The following MRC1 variants were observed in gnomAD, a reference collection of about 807,000 sequenced individuals.
The protein encoded by MRC1 is mannose receptor C-type 1.
In MRC1, 62 loss-of-function variants were observed where a neutral mutation model predicts 102.9. The observed-to-expected ratio is 0.60, with a 90% CI of 0.49 to 0.74. The LOEUF (loss-of-function observed/expected upper bound fraction) is 0.74, where lower values mean the gene tolerates loss of function less well. Ranked by LOEUF, MRC1 falls within the 30% of genes least tolerant of loss-of-function variation. The pLI is 0.00. For missense variants in MRC1, 1,237 were observed against 862.8 expected, an observed-to-expected ratio of 1.43 and a Z score of -5.43; for synonymous variants, 457 against 298.4, an observed-to-expected ratio of 1.53 and a Z score of -5.48.
chr10:17,827,368 TACCCAAAAAAAAAAA>T (rs1838493088), intron 2 of MRC1, among the ~76,000 whole-genome samples, 159 bp from the exon 3 acceptor site: 1 of 15,760 alleles, frequency 6.3e-5, no homozygotes, highest in African/African-American at 2.4e-4. Flanking sequence ...GGAAAAAAAA[TACCCAAAAAAAAAAA>T]AAAAAAAAAA....
chr10:17,813,222 G>A lies in MRC1; in HGVS notation c.61+3696G>A, dbSNP rs990072979. On this transcript the variant is annotated intron_variant, in intron 1 of 29. Transcript: ENST00000569591. ...CACATCCCCTTAGATTTCTTGCTGC[G>A]CTGTTAGATCAAGTAAGTGCAAATT... Among the ~76,000 whole-genome samples the A allele has an allele frequency of 4.4e-3, 677 of 152,190 alleles. 5 individuals are homozygous for A. Among genetic ancestry groups the A allele is most frequent in the African/African-American group, 0.015 (639 of 41,514 alleles).
At chr10:17,892,538 C>T (rs1171676231) in intron 22 of MRC1, among the ~76,000 whole-genome samples, 1 of 152,152 alleles carries the variant, frequency 6.6e-6, no homozygotes, top group African/African-American at 2.4e-5. Context: ...CAGCTTTTCT[C>T]GCCATTTTCT....
intron 26 of MRC1, among the ~76,000 whole-genome samples, chr10:17,905,644 A>T (rs957121110): frequency 2.0e-5 from 3 of 151,802 alleles, no homozygotes; most frequent in African/African-American, 4.8e-5. Context: ...ATATTTTGAA[A>T]CGGCTAATGT....
At chr10:17,823,871 G>C (rs1353142108) in intron 2 of MRC1, among the ~76,000 whole-genome samples, 2 of 152,074 alleles carry the variant, frequency 1.3e-5, no homozygotes, top group African/African-American at 4.8e-5. Flanking sequence ...AGTTATCCCT[G>C]GAAAAATGAT....
intron 6 of MRC1, among the ~76,000 whole-genome samples, chr10:17,845,664 C>A (rs913378369): frequency 1.1e-3 from 173 of 152,188 alleles, no homozygotes; most frequent in African/African-American, 4.0e-3. Context: ...AAAAATGTTA[C>A]CTTCCCAATC....
chr10:17,887,403 A>G (rs1284308439), intron 22 of MRC1, among the ~76,000 whole-genome samples: 5 of 152,122 alleles, frequency 3.3e-5, no homozygotes, highest in Non-Finnish European at 7.3e-5. Context: ...AACAAAACAA[A>G]ACAAAACAAA....
intron 4 of MRC1, among the ~76,000 whole-genome samples, chr10:17,839,094 C>T (rs978972239): frequency 1.3e-5 from 2 of 151,938 alleles, no homozygotes; most frequent in Non-Finnish European, 2.9e-5. Flanking sequence ...ACAGTAGTAA[C>T]TTATATTTAT....
rs535649483 is a variant in MRC1, at chr10:17,903,882, G to C, written c.3799+1760G>C. Among the ~76,000 whole-genome samples, 14 of 152,172 alleles carry C rather than the reference G, an allele frequency of 9.2e-5. No homozygotes were observed. In the East Asian group the frequency reaches 2.5e-3, roughly 27 times the overall value. On this transcript the variant is annotated intron_variant, in intron 26 of 29. Transcript: ENST00000569591. ...GAAACAGGAGAATCACTTGAACCCAGGAGGTGGAGGTTGCAGTGAGCTGAG... is the reference window on the plus strand; with the variant it reads ...GAAACAGGAGAATCACTTGAACCCACGAGGTGGAGGTTGCAGTGAGCTGAG...
intron 12 of MRC1, 88 bp downstream of exon 12, chr10:17,866,849 C>A: frequency 1.3e-6 from 1 of 768,202 alleles, no homozygotes; most frequent in Non-Finnish European, 2.4e-6. Flanking sequence ...CAAACAAAAA[C>A]CAAAACACTC....
rs1173887920 is a variant in MRC1, at chr10:17,902,756, A to G, written c.3799+634A>G. Among the ~76,000 whole-genome samples the G allele has an allele frequency of 3.9e-5, 6 of 152,166 alleles. No homozygotes were observed. In the East Asian group the frequency reaches 1.2e-3, roughly 29 times the overall value. On this transcript the variant is annotated intron_variant, in intron 26 of 29. Transcript: ENST00000569591. ...TTTTCTCCACGTTCTTTCAAAAGTC[A>G]ACCTGACTTTTGACTTTAAATTCTG...
chr10:17,856,391 G>T (rs1300308684), intron 9 of MRC1, 39 bp downstream of exon 9: 1 of 819,190 alleles, frequency 1.2e-6, no homozygotes, highest in African/African-American at 1.7e-5. Flanking sequence ...AGCTGAGCAC[G>T]TATGAGTTGA....
At position 17,852,989 on chromosome 10, in the gene MRC1, C is replaced by G; in HGVS notation, c.1272C>G (p.Ile424Met). The G allele has an allele frequency of 1.3e-6, 1 of 780,790 alleles. No homozygotes were observed. The highest frequency in any genetic ancestry group is 2.4e-6 in the Non-Finnish European group (1 of 417,950). The allele number at this position is 780,790 out of a possible 1,614,324, so 48.4% of individuals were successfully genotyped here. A position where few individuals can be genotyped will look rare whatever the true frequency, so the allele number is the denominator to read the frequency against. Residue 424 changes from isoleucine to methionine, a missense_variant, in exon 8 of 30, where the codon ATC becomes ATG. Ile to Met is a conservative substitution (Grantham distance 10). Coordinates refer to ENST00000569591, the MANE Select transcript of MRC1 (RefSeq NM_002438.4). ...TAGAGCCAAATGACGAATTGTGGAT[C>G]GGCTTAAATGACATTAAGATTCAAA... ...LGYEPNDELWIGLNDIKIQMY... is the reference protein window; with the variant it reads ...LGYEPNDELWMGLNDIKIQMY...
intron 22 of MRC1, among the ~76,000 whole-genome samples, chr10:17,885,783 G>A (rs1008518454): frequency 6.6e-6 from 1 of 151,234 alleles, no homozygotes; most frequent in Non-Finnish European, 1.5e-5. Context: ...GTGTAGGCCT[G>A]GAAGCTACTA....
At chr10:17,891,131 TTTTATTTATTTA>T (rs879194856) in intron 22 of MRC1, among the ~76,000 whole-genome samples, 4,226 of 135,024 alleles carry the variant, frequency 0.031, 196 homozygotes, top group East Asian at 0.19. Flanking sequence ...GTATCACTAG[TTTTATTTATTTA>T]TTTATTTATT....
intron 27 of MRC1, 61 bp from the exon 28 acceptor site, chr10:17,907,473 A>C (rs1258170131): frequency 1.3e-6 from 1 of 778,662 alleles, no homozygotes; most frequent in Non-Finnish European, 2.4e-6. Flanking sequence ...AAATTGGCTG[A>C]ACTTATTTTA....
intron 24 of MRC1, among the ~76,000 whole-genome samples, chr10:17,898,562 C>T (rs1004697045): frequency 1.6e-4 from 24 of 152,166 alleles, no homozygotes; most frequent in Non-Finnish European, 1.8e-4. Context: ...AATTTATTCG[C>T]TTATTGCTTC....
chr10:17,839,633 A>T (rs939868743), intron 4 of MRC1, among the ~76,000 whole-genome samples: 1 of 152,070 alleles, frequency 6.6e-6, no homozygotes, highest in Non-Finnish European at 1.5e-5. Context: ...CCATAGTGAG[A>T]CTCCATCTCT....
At chr10:17,867,358 CCTTCTCCTTCTTCTTCTTCTTCTT>C (rs1833288573) in intron 12 of MRC1, among the ~76,000 whole-genome samples, 2 of 111,280 alleles carry the variant, frequency 1.8e-5, no homozygotes, top group Non-Finnish European at 3.7e-5. Context: ...TTCTTCTTCT[CCTTCTCCTTCTTCTTCTTCTTCTT>C]CTTCTCCTTC....
chr10:17,816,066 C>T (rs1036056808), intron 1 of MRC1, among the ~76,000 whole-genome samples: 41 of 152,252 alleles, frequency 2.7e-4, no homozygotes, highest in Admixed American at 1.0e-3. Context: ...TCAGGTGATC[C>T]GCCTGCCTTG....
Sources: allele counts gnomAD v4.1 joint callset (sites outside exome capture counted in the v4.1 genomes callset), GRCh38; gene constraint gnomAD v4.1.1; transcripts MANE v1.5; gene names NCBI Gene and HGNC (gene_info 2026-07-23, HGNC 2026-07-21).